Variants in C19orf47 observed in about 807,000 individuals in gnomAD.
C19orf47 encodes the protein chromosome 19 open reading frame 47.
In C19orf47, 18 loss-of-function variants were observed where a neutral mutation model predicts 32.3. The ratio of observed to expected loss-of-function variants is 0.56; its 90% CI spans 0.39 to 0.83. The LOEUF (loss-of-function observed/expected upper bound fraction) is 0.83, where lower values mean the gene tolerates loss of function less well. Among genes scored for constraint, C19orf47 ranks in the 40% least tolerant of loss-of-function variants. C19orf47 has a pLI of 0.00. For synonymous variants in C19orf47, 202 were observed against 211.1 expected, an observed-to-expected ratio of 0.96 and a Z score of 0.37; for missense variants, 484 against 531.6, an observed-to-expected ratio of 0.91 and a Z score of 0.88.
intron 2 of C19orf47, among the ~76,000 whole-genome samples, chr19:40,340,707 A>G (rs372685367): frequency 3.9e-4 from 55 of 141,752 alleles, no homozygotes; most frequent in African/African-American, 1.2e-3. Flanking sequence ...GGCCAGGCGC[A>G]GTGGCTCACA....
rs554017114 is a variant in C19orf47 at position 40,322,085 on chromosome 19, G to C, written c.955C>G (p.Leu319Val). 3.1e-6 allele frequency: 5 copies of C among 1,614,218 alleles called. No individual in the cohort carries two copies. The African/African-American group carries it at 6.7e-5, about 22-fold the overall frequency. The change falls in exon 9 of 9, where the codon CTG (leucine) becomes GTG (valine). Residue 319 changes from leucine to valine, a missense_variant. Physicochemically the swap from Leu to Val is conservative, Grantham distance 32. Transcript: ENST00000683109. Reference sequence around the variant, plus strand: ...TCGGGCACAAGGGCAGCTGCGCCCAGTCTCTTGATGATGCTGACTTTAGAC... The same window carrying C: ...TCGGGCACAAGGGCAGCTGCGCCCACTCTCTTGATGATGCTGACTTTAGAC... ...SLSKVSIIKR[L>V]GAAALVPEAQ...
At chr19:40,327,897 T>C (rs2077866944) in intron 6 of C19orf47, among the ~76,000 whole-genome samples, 1 of 152,194 alleles carries the variant, frequency 6.6e-6, no homozygotes, top group South Asian at 2.1e-4. Context: ...ATCTACATGA[T>C]GCAGGGCCCT....
intron 1 of C19orf47, among the ~76,000 whole-genome samples, chr19:40,345,107 T>C (rs1424876569): frequency 6.6e-6 from 1 of 152,222 alleles, no homozygotes; most frequent in Non-Finnish European, 1.5e-5. Context: ...CAGTTAATGC[T>C]AACCAGAATC....
At chr19:40,296,400 C>T in the C19orf47 span, among the ~76,000 whole-genome samples, 1 of 152,088 alleles carries the variant, frequency 6.6e-6, no homozygotes, top group Non-Finnish European at 1.5e-5. Flanking sequence ...CCTGCCTCAG[C>T]ATCCCGAGTA....
rs899006212 is a variant in C19orf47, at chr19:40,324,298, A to AT, written c.593-223dup. On this transcript the variant is annotated intron_variant, in intron 7 of 8. Coordinates refer to ENST00000683109, the MANE Select transcript of C19orf47 (RefSeq NM_001256441.2). The stretch of plus-strand genomic sequence containing the variant: ...GGGAAAGACCAGCTACAAGTGGCAG[A>AT]TTCCCTACACCTCAGCACTAGCTCA... The AT allele has an allele frequency of 4.1e-4, 243 of 590,938 alleles. 2 individuals are homozygous for AT. Among genetic ancestry groups the AT allele is most frequent in the Admixed American group, 1.1e-4 (4 of 35,152 alleles). The allele number at this position is 590,938 out of a possible 1,614,324, so 36.6% of individuals were successfully genotyped here. A position where few individuals can be genotyped will look rare whatever the true frequency, so the allele number is the denominator to read the frequency against.
intron 2 of C19orf47, 109 bp from the exon 3 acceptor site, chr19:40,336,516 G>T: frequency 1.1e-6 from 1 of 942,122 alleles, no homozygotes; most frequent in Non-Finnish European, 1.6e-6. Flanking sequence ...TCATATGCCA[G>T]GCCCTGCATG....
intron 7 of C19orf47, chr19:40,324,422 C>A (rs989172575): frequency 3.0e-6 from 1 of 331,130 alleles, no homozygotes; most frequent in African/African-American, 2.0e-5. Flanking sequence ...GTAGTGCATC[C>A]TCCCCTAAAT....
At chr19:40,308,612 T>C in the C19orf47 span, among the ~76,000 whole-genome samples, 1 of 151,924 alleles carries the variant, frequency 6.6e-6, no homozygotes, top group African/African-American at 2.4e-5. Context: ...TACAGGCGTA[T>C]GCCACTACAC....
At chr19:40,341,334 C>T (rs182395822) in intron 2 of C19orf47, among the ~76,000 whole-genome samples, 4 of 151,908 alleles carry the variant, frequency 2.6e-5, no homozygotes, top group Admixed American at 2.6e-4. Flanking sequence ...AACTCCATCT[C>T]AACAAACATA....
chr19:40,335,301 G>C (rs966990697), intron 4 of C19orf47, among the ~76,000 whole-genome samples: 1 of 152,174 alleles, frequency 6.6e-6, no homozygotes, highest in African/African-American at 2.4e-5. Context: ...TCCAGGTTGT[G>C]AGCCAGGTTG....
In C19orf47 at chr19:40,348,355, G is replaced by GCCCC; in HGVS notation, c.-66_-65insGGGG. On this transcript the variant is annotated 5_prime_UTR_variant, in exon 1 of 9. Coordinates refer to ENST00000683109, the MANE Select transcript of C19orf47 (RefSeq NM_001256441.2). ...CACCGGGCCCGCGCCCACTCGCGCCGCCCGCCCTCCCTCCCGGCGGCGCCA... is the reference window on the plus strand; with the variant it reads ...CACCGGGCCCGCGCCCACTCGCGCCGCCCCCCCGCCCTCCCTCCCGGCGGCGCCA... The GCCCC allele has an allele frequency of 7.4e-7, 1 of 1,344,324 alleles. No homozygotes were observed. The highest frequency in any genetic ancestry group is 1.7e-5 in the South Asian group (1 of 59,328). 83.3% of individuals were successfully genotyped at this position (1,344,324 alleles called of 1,614,324 possible). A position where few individuals can be genotyped will look rare whatever the true frequency, so the allele number is the denominator to read the frequency against.
chr19:40,342,599 A>C (rs2078199222), intron 1 of C19orf47, among the ~76,000 whole-genome samples: 1 of 152,204 alleles, frequency 6.6e-6, no homozygotes, highest in Admixed American at 6.5e-5. Flanking sequence ...CAAACAGTTA[A>C]TATAGTACGT....
the C19orf47 span, among the ~76,000 whole-genome samples, chr19:40,293,788 T>C: frequency 6.6e-6 from 1 of 152,014 alleles, no homozygotes; most frequent in Admixed American, 6.6e-5. Context: ...ATCTGCCTTA[T>C]ATTGGTTTAA....
At chr19:40,334,333 C>T (rs1232145640) in intron 4 of C19orf47, among the ~76,000 whole-genome samples, 1 of 152,072 alleles carries the variant, frequency 6.6e-6, no homozygotes, top group East Asian at 1.9e-4. Context: ...ACCTGTAGTC[C>T]CAATTATTCA....
the C19orf47 span, among the ~76,000 whole-genome samples, chr19:40,293,654 C>T: frequency 2.0e-5 from 3 of 150,720 alleles, no homozygotes; most frequent in Non-Finnish European, 3.0e-5. Flanking sequence ...TTAGTAGAGA[C>T]GGGGTTTCAC....
At chr19:40,338,306 C>T (rs12461549) in intron 2 of C19orf47, among the ~76,000 whole-genome samples, 3 of 144,048 alleles carry the variant, frequency 2.1e-5, no homozygotes, top group Admixed American at 7.0e-5. Flanking sequence ...TATATATATA[C>T]ACATATATAT....
chr19:40,315,458 C>G (rs2077655425), downstream of C19orf47, among the ~76,000 whole-genome samples: 1 of 151,778 alleles, frequency 6.6e-6, no homozygotes, highest in African/African-American at 2.4e-5. Context: ...CCAGCTAGGG[C>G]AATATAGTGA....
the C19orf47 span, among the ~76,000 whole-genome samples, chr19:40,300,613 A>C: frequency 6.6e-6 from 1 of 152,154 alleles, no homozygotes; most frequent in African/African-American, 2.4e-5. Flanking sequence ...TTCCTTGTCA[A>C]TTGCTGGTTA....
Position 40,322,355 on chromosome 19 carries a change from G to A in C19orf47, c.685C>T (p.Leu229=), listed in dbSNP as rs1489015532. The A allele has an allele frequency of 1.9e-6, 3 of 1,593,224 alleles. No homozygotes were observed. The South Asian group carries it at 3.3e-5, about 18-fold the overall frequency. The part of the protein sequence containing the change: ...GSKPTGVFSR[L]GATPETDEDL... ...TCGTCCGTTTCTGGGGTGGCCCCCA[G>A]GCGGCTGAAGACTCCTGTGGGCTGT... is the stretch of plus-strand genomic sequence containing the variant. The change falls in exon 9 of 9, where the codon CTG becomes TTG. Residue 229 remains leucine, a synonymous_variant. Transcript: ENST00000683109.
Sources: allele counts gnomAD v4.1 joint callset (sites outside exome capture counted in the v4.1 genomes callset), GRCh38; gene constraint gnomAD v4.1.1; transcripts MANE v1.5; gene names NCBI Gene and HGNC (gene_info 2026-07-23, HGNC 2026-07-21).